KCNC2: variants seen among roughly 807,000 people sequenced by gnomAD.
KCNC2 encodes voltage-gated potassium channel KCNC2.
In KCNC2, 21 loss-of-function variants were observed where a neutral mutation model predicts 44.5. That is an observed-to-expected ratio of 0.47 (90% confidence interval 0.33 to 0.68). KCNC2 has a LOEUF of 0.68. Ranked by LOEUF, KCNC2 falls within the 30% of genes least tolerant of loss-of-function variation. The pLI is 0.01. For missense variants in KCNC2, 589 were observed against 826.2 expected, an observed-to-expected ratio of 0.71 and a Z score of 3.52; for synonymous variants, 391 against 339.1, an observed-to-expected ratio of 1.15 and a Z score of -1.68.
chr12:75,151,739 C>A (rs1890408336), intron 2 of KCNC2, among the ~76,000 whole-genome samples: 1 of 150,668 alleles, frequency 6.6e-6, no homozygotes, highest in South Asian at 2.1e-4. Context: ...CAAGAATCAA[C>A]CAGATTTGAA....
intron 2 of KCNC2, among the ~76,000 whole-genome samples, chr12:75,136,591 G>A (rs1413290000): frequency 6.6e-6 from 1 of 152,006 alleles, no homozygotes; most frequent in African/African-American, 2.4e-5. Context: ...TAAATTCCTG[G>A]AAACATACAG....
intron 2 of KCNC2, among the ~76,000 whole-genome samples, chr12:75,139,585 C>T (rs1469931922): frequency 6.6e-6 from 1 of 152,226 alleles, no homozygotes; most frequent in Non-Finnish European, 1.5e-5. Context: ...TACCCTGACT[C>T]AGCCTTTCTC....
chr12:75,188,070 G>A (rs559831132), intron 2 of KCNC2, among the ~76,000 whole-genome samples: 3 of 152,226 alleles, frequency 2.0e-5, no homozygotes, highest in East Asian at 1.9e-4. Flanking sequence ...ACGTTTTGAT[G>A]AAAATGCCAT....
At chr12:75,134,804 A>T (rs1889112763) in intron 2 of KCNC2, among the ~76,000 whole-genome samples, 1 of 152,074 alleles carries the variant, frequency 6.6e-6, no homozygotes, top group African/African-American at 2.4e-5. Flanking sequence ...ATAAAATACA[A>T]TGTGCATTTG....
intron 2 of KCNC2, among the ~76,000 whole-genome samples, chr12:75,125,473 T>C (rs934017988): frequency 6.6e-6 from 1 of 152,220 alleles, no homozygotes; most frequent in Non-Finnish European, 1.5e-5. Flanking sequence ...AACTGTGTTT[T>C]TTCAGCAGAA....
chr12:75,106,032 G>GA (rs1328259750), intron 2 of KCNC2, among the ~76,000 whole-genome samples: 4 of 151,696 alleles, frequency 2.6e-5, no homozygotes, highest in Middle Eastern at 3.4e-3. Flanking sequence ...TACTGTGGAA[G>GA]AAAAAACAGT....
intron 2 of KCNC2, among the ~76,000 whole-genome samples, chr12:75,130,008 T>C (rs1167814351): frequency 1.3e-5 from 2 of 152,190 alleles, no homozygotes; most frequent in African/African-American, 4.8e-5. Flanking sequence ...TTATTCAATC[T>C]ACAAAATAGT....
At chr12:75,161,161 C>G (rs940421598) in intron 2 of KCNC2, among the ~76,000 whole-genome samples, 5 of 151,550 alleles carry the variant, frequency 3.3e-5, no homozygotes, top group Non-Finnish European at 7.4e-5. Flanking sequence ...AATATAAAAA[C>G]TCAGGAGTGT....
chr12:75,127,729 A>G (rs1244078106), intron 2 of KCNC2, among the ~76,000 whole-genome samples: 2 of 152,332 alleles, frequency 1.3e-5, no homozygotes, highest in East Asian at 3.9e-4. Flanking sequence ...ATAAAAATAC[A>G]TAGTGGAGAC....
At chr12:75,043,314 G>T in intron 4 of KCNC2, 73 bp from the exon 5 acceptor site, 1 of 1,544,824 alleles carries the variant, frequency 6.5e-7, no homozygotes, top group Non-Finnish European at 8.7e-7. Context: ...ACCATGCAGG[G>T]CAATCAAAAG....
Position 75,043,095 on chromosome 12 carries a change from G to C in KCNC2, c.*10C>G. On this transcript the variant is annotated 3_prime_UTR_variant, in exon 5 of 5. Transcript: ENST00000549446. ...CAATTTAGCCGACTGATGCAGTTTG[G>C]TTGTTTGGTTTACAAGATAGATGGG... The C allele has an allele frequency of 6.2e-7, 1 of 1,611,112 alleles. No individual in the cohort carries two copies. The highest frequency in any genetic ancestry group is 1.1e-5 in the South Asian group (1 of 90,812).
At chr12:75,164,984 A>G (rs1891351703) in intron 2 of KCNC2, among the ~76,000 whole-genome samples, 2 of 151,624 alleles carry the variant, frequency 1.3e-5, no homozygotes, top group Admixed American at 1.3e-4. Flanking sequence ...TAGGAAGTAA[A>G]TCCATGGCTG....
At chr12:75,133,911 A>C (rs949499556) in intron 2 of KCNC2, among the ~76,000 whole-genome samples, 42 of 147,014 alleles carry the variant, frequency 2.9e-4, no homozygotes, top group Admixed American at 2.8e-3. Flanking sequence ...CAGTTAATAA[A>C]GATACACGAA....
chr12:75,041,043 C>T lies in KCNC2; in HGVS notation c.*2062G>A, dbSNP rs1423395382. On this transcript the variant is annotated 3_prime_UTR_variant, in exon 5 of 5. Transcript: ENST00000549446. ...GTTCCAGCCGCAGTTCTTTTATAAG[C>T]TTTAAGTGCCTCATGAAGACGCGAG... 7.2e-7 allele frequency: 1 copy of T among 1,390,874 alleles called. No homozygotes were observed. Among genetic ancestry groups the T allele is most frequent in the Non-Finnish European group, 1.0e-6 (1 of 993,026 alleles). The allele number at this position is 1,390,874 out of a possible 1,614,324, so 86.2% of individuals were successfully genotyped here. A position where few individuals can be genotyped will look rare whatever the true frequency, so the allele number is the denominator to read the frequency against.
intron 2 of KCNC2, chr12:75,123,947 A>G (rs970750455): frequency 2.6e-5 from 4 of 152,172 alleles, no homozygotes; most frequent in Non-Finnish European, 5.9e-5. Flanking sequence ...AAAATCTTAT[A>G]TGTTCCCCAT....
chr12:75,092,373 T>G (rs1183248557), intron 2 of KCNC2, among the ~76,000 whole-genome samples: 1 of 151,686 alleles, frequency 6.6e-6, no homozygotes, highest in Non-Finnish European at 1.5e-5. Context: ...TTTCAAATTT[T>G]CTTGACAAAG....
At chr12:75,162,943 C>G (rs1177825563) in intron 2 of KCNC2, among the ~76,000 whole-genome samples, 1 of 151,594 alleles carries the variant, frequency 6.6e-6, no homozygotes, top group Non-Finnish European at 1.5e-5. Flanking sequence ...AGTAGGATGC[C>G]CTTTCTTCTT....
chr12:75,143,549 A>G (rs1039574069), intron 2 of KCNC2, among the ~76,000 whole-genome samples: 6 of 152,170 alleles, frequency 3.9e-5, no homozygotes, highest in Admixed American at 3.9e-4. Flanking sequence ...TTCAGATTCA[A>G]GCCCTACATG....
rs926197367 is a variant in KCNC2, at chr12:75,084,264, A to C, written c.688-32947T>G. 6.3e-5 allele frequency among the ~76,000 whole-genome samples: 5 copies of C among 79,852 alleles called. No individual in the cohort carries two copies. In the Admixed American group the frequency reaches 8.1e-4, roughly 13 times the overall value. The allele number at this position is 79,852 out of a possible 152,430, so 52.4% of individuals were successfully genotyped here. ...ATAGATAGATGATGATGATAGATAG[A>C]TAGATTAGATAGATAGATAGATAGA... On this transcript the variant is annotated intron_variant, in intron 2 of 4. Transcript: ENST00000549446.
Sources: allele counts gnomAD v4.1 joint callset (sites outside exome capture counted in the v4.1 genomes callset), GRCh38; gene constraint gnomAD v4.1.1; transcripts MANE v1.5; gene names NCBI Gene and HGNC (gene_info 2026-07-23, HGNC 2026-07-21).